RTL9: variants seen among roughly 807,000 people sequenced by gnomAD.
RTL9 encodes retrotransposon Gag-like protein 9.
Under a neutral mutation model 44.7 loss-of-function variants are expected in RTL9, and 19 were observed. That is an observed-to-expected ratio of 0.42 (90% CI 0.30 to 0.62). The LOEUF (loss-of-function observed/expected upper bound fraction) is 0.62, where lower values mean the gene tolerates loss of function less well. RTL9 is among the 20% of genes least tolerant of loss of function. RTL9 has a pLI of 0.16. For missense variants in RTL9, 1,105 were observed against 1,080.6 expected (o/e 1.02, Z -0.32); for synonymous variants, 407 against 398.9 (o/e 1.02, Z -0.24).
intron 1 of RTL9, among the ~76,000 whole-genome samples, chrX:110,425,062 T>TA (rs1166747974): frequency 8.9e-6 from 1 of 111,976 alleles, no homozygotes; most frequent in Admixed American, 9.5e-5. Flanking sequence ...AGAATCCTCT[T>TA]ATAATCACTG....
At chrX:110,454,707 TGAG>T (rs1261721404) in intron 1 of RTL9, 43 bp downstream of exon 3, 1 of 1,073,543 alleles carries the variant, frequency 9.3e-7, no homozygotes, top group African/African-American at 1.8e-5. Flanking sequence ...AGCAGAGAAA[TGAG>T]GAGGTCACGA....
chrX:110,441,970 G>A (rs1476915086), intron 1 of RTL9, among the ~76,000 whole-genome samples: 1 of 111,283 alleles, frequency 9.0e-6, no homozygotes, highest in Non-Finnish European at 1.9e-5. Context: ...CACTTGCCCA[G>A]GGTCCCAAAG....
chrX:110,409,012 C>T (rs1214976419), intron 1 of RTL9, among the ~76,000 whole-genome samples: 1 of 111,497 alleles, frequency 9.0e-6, no homozygotes, highest in Non-Finnish European at 1.9e-5. Flanking sequence ...GGTTGAACAC[C>T]ACTGTGCTAG....
rs190511024 is a variant in RTL9 at position 110,409,810 on chromosome X, C to A, written c.-167-35343C>A. Among the ~76,000 whole-genome samples the A allele has an allele frequency of 2.7e-5, 3 of 111,561 alleles. No individual in the cohort carries two copies. The Admixed American group carries it at 2.8e-4, about 11-fold the overall frequency. ...CCCACTTAGCAAGAAGGGCAGGGGG[C>A]AGCACCTCACTTAGAGATATGGTAC... On this transcript the variant is annotated intron_variant, in intron 1 of 2. Transcript: ENST00000520821.
intron 1 of RTL9, among the ~76,000 whole-genome samples, chrX:110,391,180 A>G (rs2148286256): frequency 9.0e-6 from 1 of 111,357 alleles, no homozygotes; most frequent in African/African-American, 3.3e-5. Flanking sequence ...GTTTGGTTTT[A>G]TGGAATGAAA....
chrX:110,440,151 C>T (rs1406647635), intron 1 of RTL9: 1 of 110,786 alleles, frequency 9.0e-6, no homozygotes, highest in Non-Finnish European at 1.9e-5. Context: ...TTCTTTGAGC[C>T]TGTGGCCCGG....
At chrX:110,392,319 C>T (rs1194254584) in intron 1 of RTL9, among the ~76,000 whole-genome samples, 2 of 104,496 alleles carry the variant, frequency 1.9e-5, no homozygotes, top group Non-Finnish European at 3.9e-5. Context: ...CTCTATCACC[C>T]AGTCTGTGTG....
chrX:110,391,041 C>G (rs1443822568), intron 1 of RTL9, among the ~76,000 whole-genome samples: 1 of 111,783 alleles, frequency 8.9e-6, no homozygotes, highest in Non-Finnish European at 1.9e-5. Context: ...TTTTGAAGCT[C>G]TTTCTCTTTG....
At position 110,378,977 on chromosome X, in the gene RTL9, C is replaced by G. The variant is rs745863601; in HGVS notation, c.-168+20061C>G. Among the ~76,000 whole-genome samples, 15 of 111,848 alleles carry G rather than the reference C, an allele frequency of 1.3e-4. No individual in the cohort carries two copies. In the East Asian group the frequency reaches 4.2e-3, roughly 31 times the overall value. On this transcript the variant is annotated intron_variant, in intron 1 of 2. Coordinates refer to the RTL9 transcript ENST00000520821. ...GTCTGCCAGTCTCGTGAAACATTAA[C>G]CTCTCCTAACAGCAAGCACAGCTTC... is the stretch of plus-strand genomic sequence containing the variant.
At chrX:110,455,447 G>A in exon 2 of RTL9, 1 of 842,165 alleles carries the variant, frequency 1.2e-6, no homozygotes, top group East Asian at 3.2e-5. Flanking sequence ...CCCGCTCCAG[G>A]CACATCCCAC....
intron 1 of RTL9, among the ~76,000 whole-genome samples, chrX:110,376,573 G>A (rs1042153513): frequency 3.6e-5 from 4 of 112,166 alleles, no homozygotes; most frequent in Non-Finnish European, 5.6e-5. Flanking sequence ...ATCATCTGGG[G>A]CACTGAAAAC....
intron 1 of RTL9, among the ~76,000 whole-genome samples, chrX:110,438,208 A>T (rs1174730414): frequency 2.7e-5 from 3 of 110,784 alleles, no homozygotes; most frequent in Non-Finnish European, 1.9e-5. Context: ...ACGATGGGAG[A>T]TTTAAGAGGC....
At chrX:110,361,934 T>A (rs924980690) in intron 1 of RTL9, among the ~76,000 whole-genome samples, 1 of 111,898 alleles carries the variant, frequency 8.9e-6, no homozygotes, top group African/African-American at 3.3e-5. Context: ...CCAATAAAAC[T>A]GTATTTACCA....
chrX:110,371,008 C>T (rs1301183019), intron 1 of RTL9, among the ~76,000 whole-genome samples: 3 of 111,677 alleles, frequency 2.7e-5, no homozygotes, highest in African/African-American at 3.3e-5. Flanking sequence ...CTTAAGATTC[C>T]TTGCTATTAT....
intron 1 of RTL9, among the ~76,000 whole-genome samples, chrX:110,442,465 G>A (rs755332763): frequency 1.6e-4 from 18 of 111,627 alleles, no homozygotes; most frequent in Non-Finnish European, 3.4e-4. Context: ...AGATGTGAAA[G>A]TGCTTTGGAA....
intron 1 of RTL9, among the ~76,000 whole-genome samples, chrX:110,369,365 G>A (rs932649282): frequency 9.0e-6 from 1 of 111,358 alleles, no homozygotes; most frequent in Admixed American, 9.5e-5. Flanking sequence ...GAAAAAGAAA[G>A]ATTTTTGCCA....
intron 1 of RTL9, among the ~76,000 whole-genome samples, chrX:110,436,857 C>T (rs982971757): frequency 8.9e-6 from 1 of 111,986 alleles, no homozygotes; most frequent in African/African-American, 3.2e-5. Flanking sequence ...GTGGGAGTGA[C>T]TGTGGCTTCA....
At chrX:110,394,393 A>G (rs141675254) in intron 1 of RTL9, among the ~76,000 whole-genome samples, 2,624 of 111,506 alleles carry the variant, frequency 0.024, 85 homozygotes, top group African/African-American at 0.082. Context: ...CTGTGACTAC[A>G]GACGTGTGCC....
At chrX:110,448,321 C>T (rs756370307), upstream of RTL9, among the ~76,000 whole-genome samples, 1 of 111,259 alleles carries the variant, frequency 9.0e-6, no homozygotes, top group East Asian at 2.9e-4. Context: ...GAGCCCTCTG[C>T]CTGTGCTTCC....
Sources: allele counts gnomAD v4.1 joint callset (sites outside exome capture counted in the v4.1 genomes callset), GRCh38; gene constraint gnomAD v4.1.1; transcripts MANE v1.5; gene names NCBI Gene and HGNC (gene_info 2026-07-23, HGNC 2026-07-21).